Variants in KHDRBS2 observed in about 807,000 individuals in gnomAD.
The protein encoded by KHDRBS2 is KH domain-containing, RNA-binding, signal transduction-associated protein 2.
In KHDRBS2, 26 loss-of-function variants were observed where a neutral mutation model predicts 44.3. That is an observed-to-expected ratio of 0.59 (90% CI 0.43 to 0.81). The LOEUF is 0.81. KHDRBS2 is among the 40% of genes least tolerant of loss of function. The pLI, the probability that KHDRBS2 is intolerant of heterozygous loss-of-function variation, is 0.00. For missense variants in KHDRBS2, 476 were observed against 433.1 expected (o/e 1.10, Z -0.88); for synonymous variants, 194 against 151.1 (o/e 1.28, Z -2.08).
the KHDRBS2 span, among the ~76,000 whole-genome samples, chr6:61,576,307 A>G: frequency 1.6e-4 from 22 of 141,644 alleles, no homozygotes; most frequent in Admixed American, 1.5e-3. Context: ...CACCCCCTTG[A>G]TTAAGTGTAT....
the KHDRBS2 span, among the ~76,000 whole-genome samples, chr6:61,637,142 C>T: frequency 6.6e-6 from 1 of 152,180 alleles, no homozygotes; most frequent in East Asian, 1.9e-4. Context: ...ACTAACTCGT[C>T]ATCTAGCATT....
intron 6 of KHDRBS2, among the ~76,000 whole-genome samples, chr6:61,792,487 A>G (rs1308756305): frequency 1.3e-5 from 2 of 151,690 alleles, no homozygotes; most frequent in African/African-American, 4.8e-5. Flanking sequence ...TATACCAATT[A>G]GTTTTTCTTT....
At chr6:61,875,432 G>T (rs1799280337) in intron 6 of KHDRBS2, among the ~76,000 whole-genome samples, 1 of 151,988 alleles carries the variant, frequency 6.6e-6, no homozygotes, top group South Asian at 2.1e-4. Flanking sequence ...GCCAATAAGT[G>T]AAATCCTTTC....
chr6:62,147,095 A>G (rs1018438301), intron 2 of KHDRBS2, among the ~76,000 whole-genome samples: 1 of 151,988 alleles, frequency 6.6e-6, no homozygotes, highest in Admixed American at 6.6e-5. Context: ...ATTCAGCCCT[A>G]CAATTGGTTT....
At chr6:61,749,103 C>A (rs1171631146) in intron 6 of KHDRBS2, among the ~76,000 whole-genome samples, 4 of 150,122 alleles carry the variant, frequency 2.7e-5, no homozygotes, top group Non-Finnish European at 5.9e-5. Context: ...AACTCCGCCT[C>A]CCAGGTTCAC....
At chr6:61,601,937 C>T in the KHDRBS2 span, among the ~76,000 whole-genome samples, 2 of 152,148 alleles carry the variant, frequency 1.3e-5, no homozygotes, top group South Asian at 2.1e-4. Context: ...AAGGTTAATG[C>T]TCCTTTTTCT....
chr6:62,241,748 T>C (rs1208389293), intron 1 of KHDRBS2, among the ~76,000 whole-genome samples: 2 of 152,182 alleles, frequency 1.3e-5, no homozygotes, highest in Non-Finnish European at 2.9e-5. Context: ...TGGGACATAG[T>C]TATTGCTCAA....
intron 2 of KHDRBS2, among the ~76,000 whole-genome samples, chr6:62,113,873 T>G (rs1005056608): frequency 1.3e-5 from 2 of 152,134 alleles, no homozygotes; most frequent in Non-Finnish European, 2.9e-5. Flanking sequence ...TATTCCCTTC[T>G]CACACTGCTA....
In KHDRBS2 at chr6:61,991,053, C is replaced by T. The variant is rs576709244; in HGVS notation, c.337-12841G>A. ...TGAGAACTACATGACTCCTGAGTTC[C>T]CAGGGCCGTGGATGATTATAGTATA... is the stretch of plus-strand genomic sequence containing the variant. On this transcript the variant is annotated intron_variant, in intron 3 of 8. Coordinates refer to ENST00000281156, the MANE Select transcript of KHDRBS2 (RefSeq NM_152688.4). 1.5e-3 allele frequency among the ~76,000 whole-genome samples: 229 copies of T among 152,156 alleles called. 5 individuals carry two copies. The South Asian group carries it at 0.044, about 29-fold the overall frequency.
chr6:61,876,014 T>C (rs1583287587), intron 6 of KHDRBS2, among the ~76,000 whole-genome samples: 2 of 151,968 alleles, frequency 1.3e-5, no homozygotes, highest in Admixed American at 6.6e-5. Context: ...GAAAAAGACA[T>C]TATTTATTTA....
the KHDRBS2 span, among the ~76,000 whole-genome samples, chr6:61,673,536 G>T: frequency 1.4e-5 from 2 of 145,532 alleles, no homozygotes; most frequent in Non-Finnish European, 3.0e-5. Context: ...CATCGTCTCA[G>T]CCCAAAATCT....
intron 6 of KHDRBS2, among the ~76,000 whole-genome samples, chr6:61,818,020 C>T (rs1242297021): frequency 2.0e-5 from 3 of 151,856 alleles, no homozygotes; most frequent in Non-Finnish European, 4.4e-5. Context: ...CCACATCTCC[C>T]GTCTTAAAAC....
chr6:61,850,811 G>A (rs994465437), intron 6 of KHDRBS2, among the ~76,000 whole-genome samples: 2 of 151,956 alleles, frequency 1.3e-5, no homozygotes, highest in Non-Finnish European at 2.9e-5. Context: ...GGGTGGGGTG[G>A]GCCTAAGAGA....
chr6:62,257,270 A>T (rs140243204), intron 1 of KHDRBS2, among the ~76,000 whole-genome samples: 1 of 152,108 alleles, frequency 6.6e-6, no homozygotes, highest in South Asian at 2.1e-4. Context: ...CCTATCATCA[A>T]CTCTATTAGT....
chr6:62,107,349 T>C (rs200058899), intron 2 of KHDRBS2, among the ~76,000 whole-genome samples: 1 of 152,088 alleles, frequency 6.6e-6, no homozygotes, highest in Admixed American at 6.6e-5. Context: ...CACAATTACT[T>C]CAAAGAGAAT....
intron 2 of KHDRBS2, among the ~76,000 whole-genome samples, chr6:62,138,285 C>A (rs1475859937): frequency 6.6e-6 from 1 of 152,218 alleles, no homozygotes; most frequent in Admixed American, 6.5e-5. Flanking sequence ...TTTTCAACAG[C>A]TGTGCCCTTG....
intron 2 of KHDRBS2, among the ~76,000 whole-genome samples, chr6:62,162,861 A>C (rs543367590): frequency 2.1e-4 from 32 of 152,046 alleles, no homozygotes; most frequent in Non-Finnish European, 4.3e-4. Flanking sequence ...GACATGACCA[A>C]GTAAAAGGAT....
chr6:61,965,550 C>T (rs567561391), intron 4 of KHDRBS2, among the ~76,000 whole-genome samples: 8 of 152,034 alleles, frequency 5.3e-5, no homozygotes, highest in African/African-American at 1.9e-4. Flanking sequence ...TAGATATTTT[C>T]CAGATTGGTT....
At chr6:61,754,131 G>A (rs375420002) in intron 6 of KHDRBS2, among the ~76,000 whole-genome samples, 36 of 152,192 alleles carry the variant, frequency 2.4e-4, no homozygotes, top group African/African-American at 8.4e-4. Context: ...GCCATCAAAT[G>A]TGTGGTAGTT....
Sources: allele counts gnomAD v4.1 joint callset (sites outside exome capture counted in the v4.1 genomes callset), GRCh38; gene constraint gnomAD v4.1.1; transcripts MANE v1.5; gene names NCBI Gene and HGNC (gene_info 2026-07-23, HGNC 2026-07-21).